COL28A1: variants seen among roughly 807,000 people sequenced by gnomAD.
COL28A1 encodes collagen type XXVIII alpha 1 chain, also known as collagen alpha-1(XXVIII) chain.
Under a neutral mutation model 150.2 loss-of-function variants are expected in COL28A1, and 161 were observed. The ratio of observed to expected loss-of-function variants is 1.07; its 90% CI spans 0.94 to 1.22. COL28A1 has a LOEUF of 1.22. Ranked by LOEUF, COL28A1 falls within the 50% of genes most tolerant of loss-of-function variation. The pLI is 0.00. For missense variants in COL28A1, 1,617 were observed against 1,388.3 expected, an observed-to-expected ratio of 1.16 and a Z score of -2.62; for synonymous variants, 552 against 469.7, an observed-to-expected ratio of 1.18 and a Z score of -2.26.
At chr7:7,378,642 C>G (rs1781697227) in intron 30 of COL28A1, among the ~76,000 whole-genome samples, 1 of 152,144 alleles carries the variant, frequency 6.6e-6, no homozygotes, top group African/African-American at 2.4e-5. Context: ...CTTCTGAGAA[C>G]AGCTTTCATG....
chr7:7,372,087 T>C (rs1329115762), intron 32 of COL28A1, among the ~76,000 whole-genome samples: 2 of 152,158 alleles, frequency 1.3e-5, no homozygotes, highest in East Asian at 1.9e-4. Flanking sequence ...GTGCCTGGCA[T>C]TGTACAATGA....
intron 7 of COL28A1, among the ~76,000 whole-genome samples, chr7:7,517,327 T>C (rs1307552049): frequency 1.3e-5 from 2 of 152,182 alleles, no homozygotes; most frequent in African/African-American, 4.8e-5. Flanking sequence ...ATAAGAAATA[T>C]ACTGTAATTA....
chr7:7,524,957 A>C (rs1781938877), intron 3 of COL28A1, among the ~76,000 whole-genome samples: 1 of 152,230 alleles, frequency 6.6e-6, no homozygotes. Flanking sequence ...CAGTATTAGG[A>C]ATAATATTTT....
At position 7,517,831 on chromosome 7, in the gene COL28A1, C is replaced by T. The variant is rs200904642; in HGVS notation, c.820G>A (p.Ala274Thr). ...CTTTCTCCAGCTTCTCCTTTTTGAGCGTTGCCCTGTGACAAACAAAAAACA... is the reference window on the plus strand; with the variant it reads ...CTTTCTCCAGCTTCTCCTTTTTGAGTGTTGCCCTGTGACAAACAAAAAACA... Reference protein sequence around the residue: ...ERGPKGNPGNAQKGEAGERGP... With the variant: ...ERGPKGNPGNTQKGEAGERGP... The change falls in exon 7 of 35, where the codon GCT becomes ACT. Residue 274 changes from alanine to threonine, a missense_variant. Ala to Thr is a moderately conservative substitution (Grantham distance 58, BLOSUM62 0). Coordinates refer to ENST00000399429, the MANE Select transcript of COL28A1 (RefSeq NM_001037763.3). 1.1e-4 allele frequency: 175 copies of T among 1,613,654 alleles called. No individual in the cohort carries two copies. Among genetic ancestry groups the T allele is most frequent in the Admixed American group, 3.2e-4 (19 of 59,988 alleles).
At chr7:7,521,429 T>C (rs896120131) in intron 5 of COL28A1, among the ~76,000 whole-genome samples, 7 of 152,120 alleles carry the variant, frequency 4.6e-5, no homozygotes, top group Non-Finnish European at 8.8e-5. Context: ...CTCACCCTAA[T>C]CCCCCAAAGC....
intron 27 of COL28A1, among the ~76,000 whole-genome samples, chr7:7,410,623 C>T (rs59026019): frequency 0.018 from 2,641 of 150,036 alleles, 84 homozygotes; most frequent in African/African-American, 0.061. Flanking sequence ...TTACTACTAC[C>T]AAGATTGGTT....
chr7:7,523,278 C>G (rs987554480), intron 4 of COL28A1, among the ~76,000 whole-genome samples: 1 of 151,604 alleles, frequency 6.6e-6, no homozygotes, highest in Non-Finnish European at 1.5e-5. Context: ...CTGCCTCAGC[C>G]TCCTGAGTAG....
upstream of COL28A1, among the ~76,000 whole-genome samples, chr7:7,539,133 G>A (rs1024347660): frequency 6.6e-6 from 1 of 152,092 alleles, no homozygotes; most frequent in Non-Finnish European, 1.5e-5. Context: ...GAGGAACACT[G>A]TCTTAGTCCA....
At position 7,483,831 on chromosome 7, in the gene COL28A1, A is replaced by T. The variant is rs145211451; in HGVS notation, c.1164+5558T>A. On this transcript the variant is annotated intron_variant, in intron 13 of 34. Transcript: ENST00000399429. ...AAAATACAAGAACAGTATAGTAAAA[A>T]GATAATAAATATAGTTAATAAAAGG... is the stretch of plus-strand genomic sequence containing the variant. 2.7e-3 allele frequency among the ~76,000 whole-genome samples: 406 copies of T among 152,308 alleles called. 3 individuals carry two copies. The highest frequency in any genetic ancestry group is 9.1e-3 in the African/African-American group (380 of 41,588).
At chr7:7,433,295 A>G (rs761967264) in intron 23 of COL28A1, among the ~76,000 whole-genome samples, 6 of 152,138 alleles carry the variant, frequency 3.9e-5, no homozygotes, top group Non-Finnish European at 7.3e-5. Context: ...TTCTGACTCA[A>G]GTAAAACGGG....
At chr7:7,488,790 T>G (rs530368697) in intron 13 of COL28A1, among the ~76,000 whole-genome samples, 1 of 152,208 alleles carries the variant, frequency 6.6e-6, no homozygotes, top group East Asian at 1.9e-4. Context: ...GTATAAACAT[T>G]AGGCTTGAGT....
At chr7:7,381,102 T>A (rs1781846621) in intron 28 of COL28A1, among the ~76,000 whole-genome samples, 1 of 152,154 alleles carries the variant, frequency 6.6e-6, no homozygotes, top group African/African-American at 2.4e-5. Flanking sequence ...TATAATACCA[T>A]CTAATCGGCT....
At chr7:7,423,556 T>C in intron 25 of COL28A1, among the ~76,000 whole-genome samples, 1 of 120,484 alleles carries the variant, frequency 8.3e-6, no homozygotes, top group South Asian at 2.5e-4. Flanking sequence ...AAATGTTACA[T>C]AATTTTTTTT....
At chr7:7,449,983 A>G (rs78060632) in intron 18 of COL28A1, among the ~76,000 whole-genome samples, 6,519 of 152,230 alleles carry the variant, frequency 0.043, 215 homozygotes, top group South Asian at 0.078. Flanking sequence ...AATAACCAAG[A>G]AAGAAGATGA....
chr7:7,456,232 A>G (rs75544134), intron 15 of COL28A1, 120 bp from the exon 16 acceptor site: 78,238 of 1,277,356 alleles, frequency 0.061, 2,742 homozygotes, highest in South Asian at 0.096. Context: ...AAAATTCAAC[A>G]TGGAAAATTA....
chr7:7,437,284 A>G (rs1785410933), intron 22 of COL28A1, 110 bp downstream of exon 22: 1 of 1,428,660 alleles, frequency 7.0e-7, no homozygotes, highest in Non-Finnish European at 9.2e-7. Context: ...AAACGGAATC[A>G]TTTCTAAGGC....
rs139889479 is a variant in COL28A1 at position 7,454,952 on chromosome 7, C to A, written c.1371+1092G>T. On this transcript the variant is annotated intron_variant, in intron 16 of 34. Coordinates refer to ENST00000399429, the MANE Select transcript of COL28A1 (RefSeq NM_001037763.3). ...CTAATGTGTTAGACTAGGACCTCTG[C>A]CAATGGCAAGGGAATGGAAAAAGGA... Among the ~76,000 whole-genome samples, 152 of 152,258 alleles carry A rather than the reference C, an allele frequency of 1.0e-3. 1 individual carries two copies. The highest frequency in any genetic ancestry group is 3.5e-3 in the African/African-American group (145 of 41,548).
At chr7:7,491,429 C>G (rs1298545247) in intron 11 of COL28A1, among the ~76,000 whole-genome samples, 3 of 152,224 alleles carry the variant, frequency 2.0e-5, no homozygotes, top group African/African-American at 7.2e-5. Flanking sequence ...GCTGAAGAGG[C>G]CTGGCTCCTG....
intron 33 of COL28A1, among the ~76,000 whole-genome samples, chr7:7,360,788 A>G (rs1281597321): frequency 6.6e-6 from 1 of 152,202 alleles, no homozygotes; most frequent in Non-Finnish European, 1.5e-5. Flanking sequence ...ATACACACAC[A>G]CACGCAGCCC....
Sources: allele counts gnomAD v4.1 joint callset (sites outside exome capture counted in the v4.1 genomes callset), GRCh38; gene constraint gnomAD v4.1.1; transcripts MANE v1.5; gene names NCBI Gene and HGNC (gene_info 2026-07-23, HGNC 2026-07-21).